The following EDC4 variants were observed in gnomAD, a reference collection of about 807,000 sequenced individuals.
EDC4 encodes the protein enhancer of mRNA-decapping protein 4.
In EDC4, 64 loss-of-function variants were observed where a neutral mutation model predicts 155.8. That is an observed-to-expected ratio of 0.41 (90% CI 0.34 to 0.51). The LOEUF is 0.51. Among genes scored for constraint, EDC4 ranks in the 20% least tolerant of loss-of-function variants. The pLI is 0.19. For missense variants in EDC4, 1,303 were observed against 1,812.5 expected, an observed-to-expected ratio of 0.72 and a Z score of 5.10; for synonymous variants, 684 against 716.8, an observed-to-expected ratio of 0.95 and a Z score of 0.73.
Position 67,877,752 on chromosome 16 carries a change from G to C in EDC4, c.801G>C (p.Trp267Cys). 1 of 1,614,156 alleles carries C rather than the reference G, an allele frequency of 6.2e-7. No individual in the cohort carries two copies. The highest frequency in any genetic ancestry group is 8.5e-7 in the Non-Finnish European group (1 of 1,180,032). ...CCTGTGCCTTCCAGGCTGAGGTGTG[G>C]GACCTGGACATGCTCCGCTCCAGCC... The part of the protein sequence containing the change: ...ALLHEDRAEV[W>C]DLDMLRSSHS... Residue 267 changes from tryptophan (W) to cysteine (C), a missense_variant, in exon 7 of 29, where the codon TGG becomes TGC. By Grantham distance (215) the Trp-to-Cys change is radical. This residue lies in a region of EDC4 where 235 missense variants were observed against 367.7 expected (regional missense o/e 0.64). Transcript: ENST00000358933. The surrounding 1 kb of genome is among the most constrained non-coding windows in gnomAD (Gnocchi z 4.9).
Position 67,877,147 on chromosome 16 carries a change from G to A in EDC4, c.452-70G>A. 2 of 1,544,712 alleles carry A rather than the reference G, an allele frequency of 1.3e-6. No homozygotes were observed. Reference sequence around the variant, plus strand: ...CTCTGGTGGTGGCAGGGAGACAGGTGGGGCAGCGCTTCTCTGCTACTGCCT... The same window carrying A: ...CTCTGGTGGTGGCAGGGAGACAGGTAGGGCAGCGCTTCTCTGCTACTGCCT... On this transcript the variant is annotated intron_variant, in intron 4 of 28. Transcript: ENST00000358933. This position sits in a 1 kb window ranked among gnomAD's most constrained non-coding sequence, Gnocchi z 4.9.
chr16:67,876,361 G>A lies in EDC4; in HGVS notation c.240-127G>A. 1 of 1,434,118 alleles carries A rather than the reference G, an allele frequency of 7.0e-7. No homozygotes were observed. The highest frequency in any genetic ancestry group is 9.3e-7 in the Non-Finnish European group (1 of 1,076,770). The allele number at this position is 1,434,118 out of a possible 1,614,324, so 88.8% of individuals were successfully genotyped here. Reference sequence around the variant, plus strand: ...GCAGAGCTGTGGGTCTGGGGCCAGTGGACCAGGCGAAGCTGACATTGGACT... The same window carrying A: ...GCAGAGCTGTGGGTCTGGGGCCAGTAGACCAGGCGAAGCTGACATTGGACT... On this transcript the variant is annotated intron_variant, in intron 2 of 28. Coordinates refer to ENST00000358933, the MANE Select transcript of EDC4 (RefSeq NM_014329.5). This position sits in a 1 kb window ranked among gnomAD's most constrained non-coding sequence, Gnocchi z 5.8.
chr16:67,882,915 C>G lies in EDC4; in HGVS notation c.3630-43C>G. 1 of 1,614,048 alleles carries G rather than the reference C, an allele frequency of 6.2e-7. No homozygotes were observed. Among genetic ancestry groups the G allele is most frequent in the Non-Finnish European group, 8.5e-7 (1 of 1,179,916 alleles). Reference sequence around the variant, plus strand: ...GGTGGTGGGCTTGAGAAAGGCCAGACTAGGCTCCCTGTCCACTTCACCTCA... The same window carrying G: ...GGTGGTGGGCTTGAGAAAGGCCAGAGTAGGCTCCCTGTCCACTTCACCTCA... On this transcript the variant is annotated intron_variant, in intron 26 of 28. Transcript: ENST00000358933. This position sits in a 1 kb window ranked among gnomAD's most constrained non-coding sequence, Gnocchi z 7.2.
Position 67,883,367 on chromosome 16 carries a change from C to G in EDC4, c.3849+190C>G, listed in dbSNP as rs1268169565. ...ACCCCTTTCTTCCCACCTAGCCCAC[C>G]TTGCTTTACAACTACCCTTCTCAGG... On this transcript the variant is annotated intron_variant, in intron 27 of 28. Transcript: ENST00000358933. This position sits in a 1 kb window ranked among gnomAD's most constrained non-coding sequence, Gnocchi z 5.3. 6 of 1,291,030 alleles carry G rather than the reference C, an allele frequency of 4.6e-6. No individual in the cohort carries two copies. In the African/African-American group the frequency reaches 7.4e-5, roughly 16 times the overall value. 80.0% of individuals were successfully genotyped at this position (1,291,030 alleles called of 1,614,324 possible). A position where few individuals can be genotyped will look rare whatever the true frequency, so the allele number is the denominator to read the frequency against.
Position 67,883,725 on chromosome 16 carries a change from A to T in EDC4, c.4007A>T (p.Lys1336Met). 6.2e-7 allele frequency: 1 copy of T among 1,614,048 alleles called. No individual in the cohort carries two copies. The highest frequency in any genetic ancestry group is 8.5e-7 in the Non-Finnish European group (1 of 1,179,988). Residue 1336 changes from lysine to methionine, a missense_variant, in exon 28 of 29, where the codon AAG becomes ATG. Physicochemically the swap from Lys to Met is moderately conservative, Grantham distance 95. This residue lies in a region of EDC4 where 527 missense variants were observed against 757.0 expected (regional missense o/e 0.70). Coordinates refer to ENST00000358933, the MANE Select transcript of EDC4 (RefSeq NM_014329.5). The surrounding 1 kb of genome is among the most constrained non-coding windows in gnomAD (Gnocchi z 5.3). ...ASDLGTRTDLKLSYLEEAVMH... is the reference protein window; with the variant it reads ...ASDLGTRTDLMLSYLEEAVMH... ...GACCTTGGCACTCGAACTGACCTCA[A>T]GCTCAGGTAAGTGGGGACAGCCAGG...
rs1257802530 is a variant in EDC4, at chr16:67,881,443, AG to A, written c.2789+29del. The A allele has an allele frequency of 1.2e-5, 20 of 1,613,922 alleles. No homozygotes were observed. Among genetic ancestry groups the A allele is most frequent in the Non-Finnish European group, 1.7e-5 (20 of 1,179,954 alleles). On this transcript the variant is annotated intron_variant, in intron 20 of 28. Transcript: ENST00000358933. The surrounding 1 kb of genome is among the most constrained non-coding windows in gnomAD (Gnocchi z 5.4). ...GTAGGGAGAAATCCTAGGGAGGGAG[AG>A]GGTGGTCTCTAGGCTGCCTCACATA...
In EDC4 at chr16:67,882,184, T is replaced by C; in HGVS notation, c.3161-28T>C. The C allele has an allele frequency of 6.2e-7, 1 of 1,613,418 alleles. No homozygotes were observed. The highest frequency in any genetic ancestry group is 8.5e-7 in the Non-Finnish European group (1 of 1,179,756). On this transcript the variant is annotated intron_variant, in intron 23 of 28. Transcript: ENST00000358933. This position sits in a 1 kb window ranked among gnomAD's most constrained non-coding sequence, Gnocchi z 7.2. ...TACCTGTCAAGCTTCTTCTCATGGC[T>C]CCACCTCACCCTCTTCCCCTCTCCC... is the stretch of plus-strand genomic sequence containing the variant.
In EDC4 at chr16:67,881,962, C is replaced by T; in HGVS notation, c.3013C>T (p.Leu1005=). Reference sequence around the variant, plus strand: ...CCTTAGCTATGGCGCAGAGCGGCGGCTGGAGCGAGCACTGGCTGAGGGGCA... The same window carrying T: ...CCTTAGCTATGGCGCAGAGCGGCGGTTGGAGCGAGCACTGGCTGAGGGGCA... ...ETRHEQEQRR[L]ERALAEGQQR... Residue 1005 remains leucine (L), a synonymous_variant, in exon 23 of 29, where the codon CTG becomes TTG. Transcript: ENST00000358933. This position sits in a 1 kb window ranked among gnomAD's most constrained non-coding sequence, Gnocchi z 5.4. 1 of 1,606,828 alleles carries T rather than the reference C, an allele frequency of 6.2e-7. No homozygotes were observed. The highest frequency in any genetic ancestry group is 8.5e-7 in the Non-Finnish European group (1 of 1,176,516).
In EDC4 at chr16:67,877,736, T is replaced by A; in HGVS notation, c.790-5T>A. On this transcript the variant is annotated splice_polypyrimidine_tract_variant and splice_region_variant and intron_variant, in intron 6 of 28. Coordinates refer to ENST00000358933, the MANE Select transcript of EDC4 (RefSeq NM_014329.5). The surrounding 1 kb of genome is among the most constrained non-coding windows in gnomAD (Gnocchi z 4.9). ...GCTGCACACTCACCTCCCTGTGCCT[T>A]CCAGGCTGAGGTGTGGGACCTGGAC... is the stretch of plus-strand genomic sequence containing the variant. 1 of 1,614,098 alleles carries A rather than the reference T, an allele frequency of 6.2e-7. No homozygotes were observed. The highest frequency in any genetic ancestry group is 8.5e-7 in the Non-Finnish European group (1 of 1,180,016).
At chr16:67,875,808 GC>G (rs1309782817) in intron 1 of EDC4, 136 bp from the exon 2 acceptor site, 2 of 1,485,828 alleles carry the variant, frequency 1.3e-6, no homozygotes, top group African/African-American at 2.8e-5. Flanking sequence ...TGAACACAGG[GC>G]CCTCCTCCTC....
At position 67,876,393 on chromosome 16, in the gene EDC4, C is replaced by T. The variant is rs2058041273; in HGVS notation, c.240-95C>T. 6 of 1,520,950 alleles carry T rather than the reference C, an allele frequency of 3.9e-6. No individual in the cohort carries two copies. Among genetic ancestry groups the T allele is most frequent in the South Asian group, 1.3e-5 (1 of 78,138 alleles). The allele number at this position is 1,520,950 out of a possible 1,614,324, so 94.2% of individuals were successfully genotyped here. ...GCGAAGCTGACATTGGACTAGATAC[C>T]TTCCCCAGTCTGGCTATGTCCTCGC... On this transcript the variant is annotated intron_variant, in intron 2 of 28. Transcript: ENST00000358933. This position sits in a 1 kb window ranked among gnomAD's most constrained non-coding sequence, Gnocchi z 5.8.
Position 67,878,303 on chromosome 16 carries a change from C to A in EDC4, c.1004+28C>A. ...AAGGCAGGGCCTCAGGGACCAGGAT[C>A]CTCCCGAGGTAGCCCACCCGACCAC... On this transcript the variant is annotated intron_variant, in intron 8 of 28. Coordinates refer to ENST00000358933, the MANE Select transcript of EDC4 (RefSeq NM_014329.5). This position sits in a 1 kb window ranked among gnomAD's most constrained non-coding sequence, Gnocchi z 5.2. 6.2e-7 allele frequency: 1 copy of A among 1,614,216 alleles called. No individual in the cohort carries two copies. Among genetic ancestry groups the A allele is most frequent in the Non-Finnish European group, 8.5e-7 (1 of 1,180,044 alleles).
rs963843699 is a variant in EDC4 at position 67,883,324 on chromosome 16, G to A, written c.3849+147G>A. ...CTTTGGCCTCCAGGCCATTGTCCCT[G>A]CTGCTTCCTCTTCCTGGACCCCTTT... On this transcript the variant is annotated intron_variant, in intron 27 of 28. Coordinates refer to ENST00000358933, the MANE Select transcript of EDC4 (RefSeq NM_014329.5). The surrounding 1 kb of genome is among the most constrained non-coding windows in gnomAD (Gnocchi z 5.3). 3.7e-6 allele frequency: 5 copies of A among 1,365,080 alleles called. No individual in the cohort carries two copies. The African/African-American group carries it at 7.3e-5, about 20-fold the overall frequency. 84.6% of individuals were successfully genotyped at this position (1,365,080 alleles called of 1,614,324 possible).
In EDC4 at chr16:67,882,297, A is replaced by G. The variant is rs1567391861; in HGVS notation, c.3246A>G (p.Lys1082=). The G allele has an allele frequency of 6.2e-7, 1 of 1,613,332 alleles. No homozygotes were observed. The highest frequency in any genetic ancestry group is 8.5e-7 in the Non-Finnish European group (1 of 1,179,592). ...TKLTAVEGSM[K]ENISKLLKSK... ...TCACAGCTGTGGAGGGCAGCATGAA[A>G]GAGAACATCTCCAAGCTGCTCAAGT... Residue 1082 remains lysine (K), a synonymous_variant, in exon 24 of 29, where the codon AAA becomes AAG. Transcript: ENST00000358933. The surrounding 1 kb of genome is among the most constrained non-coding windows in gnomAD (Gnocchi z 7.2).
At chr16:67,874,283 G>A (rs1189083321) in intron 1 of EDC4, among the ~76,000 whole-genome samples, 5 of 152,222 alleles carry the variant, frequency 3.3e-5, no homozygotes, top group South Asian at 2.1e-4. Context: ...TGATGATGGT[G>A]TGGGCGTACA....
rs1280492235 is a variant in EDC4 at position 67,876,953 on chromosome 16, C to T, written c.432C>T (p.Phe144=). ...ACCTGATTGCTGTGTCTAACTCCTT[C>T]TTGGCCTATGCCATTCGGGGTGAGT... is the stretch of plus-strand genomic sequence containing the variant. ...YGNLIAVSNS[F]LAYAIRAANN... Residue 144 remains phenylalanine, a synonymous_variant, in exon 4 of 29, where the codon TTC becomes TTT. Transcript: ENST00000358933. This position sits in a 1 kb window ranked among gnomAD's most constrained non-coding sequence, Gnocchi z 5.8. 1.2e-6 allele frequency: 2 copies of T among 1,614,260 alleles called. No homozygotes were observed. The highest frequency in any genetic ancestry group is 1.7e-6 in the Non-Finnish European group (2 of 1,180,046).
At position 67,882,423 on chromosome 16, in the gene EDC4, C is replaced by A; in HGVS notation, c.3277-6C>A. On this transcript the variant is annotated splice_region_variant and splice_polypyrimidine_tract_variant and intron_variant, in intron 24 of 28. Coordinates refer to ENST00000358933, the MANE Select transcript of EDC4 (RefSeq NM_014329.5). The surrounding 1 kb of genome is among the most constrained non-coding windows in gnomAD (Gnocchi z 7.2). ...CTTTCAACTTGGCCCCTCCCTCTAA[C>A]CCCAGAACTTGACTGATGCCATCGC... is the stretch of plus-strand genomic sequence containing the variant. The A allele has an allele frequency of 6.2e-7, 1 of 1,613,320 alleles. No homozygotes were observed. The highest frequency in any genetic ancestry group is 8.5e-7 in the Non-Finnish European group (1 of 1,179,300).
rs564856731 is a variant in EDC4 at position 67,877,320 on chromosome 16, G to T, written c.555G>T (p.Ala185=). 3.7e-6 allele frequency: 6 copies of T among 1,614,014 alleles called. No individual in the cohort carries two copies. The highest frequency in any genetic ancestry group is 5.1e-6 in the Non-Finnish European group (6 of 1,180,044). ...GCAGTGTGGCTGATCTGGCTTTCGC[G>T]CACCTCAACTCTCCACAGCTGGCCT... ...FTGSVADLAF[A]HLNSPQLACL... The change falls in exon 5 of 29, where the codon GCG becomes GCT. Residue 185 remains alanine, a synonymous_variant. Transcript: ENST00000358933. This position sits in a 1 kb window ranked among gnomAD's most constrained non-coding sequence, Gnocchi z 4.9.
At position 67,873,244 on chromosome 16, in the gene EDC4, G is replaced by C. The variant is rs971483214; in HGVS notation, c.-18G>C. The C allele has an allele frequency of 7.2e-7, 1 of 1,387,104 alleles. No individual in the cohort carries two copies. The highest frequency in any genetic ancestry group is 9.3e-7 in the Non-Finnish European group (1 of 1,076,810). The allele number at this position is 1,387,104 out of a possible 1,614,324, so 85.9% of individuals were successfully genotyped here. A position where few individuals can be genotyped will look rare whatever the true frequency, so the allele number is the denominator to read the frequency against. ...GCGGAACGAACGCGGTGCGGGCGGG[G>C]CGCCCGCCGCAGGGCCCATGGCCTC... On this transcript the variant is annotated 5_prime_UTR_variant, in exon 1 of 29. Transcript: ENST00000358933.
Sources: allele counts gnomAD v4.1 joint callset (sites outside exome capture counted in the v4.1 genomes callset), GRCh38; gene constraint gnomAD v4.1.1; regional missense constraint gnomAD v4.1.1; non-coding constraint Gnocchi (gnomAD v3.1); transcripts MANE v1.5; gene names NCBI Gene and HGNC (gene_info 2026-07-23, HGNC 2026-07-21).